CMBL: variants seen among roughly 807,000 people sequenced by gnomAD.
CMBL encodes carboxymethylenebutenolidase homolog (Pseudomonas).
Under a neutral mutation model 28.7 loss-of-function variants are expected in CMBL, and 17 were observed. That is an observed-to-expected ratio of 0.59 (90% confidence interval 0.41 to 0.89). CMBL has a LOEUF of 0.89. Ranked by LOEUF, CMBL falls within the 40% of genes least tolerant of loss-of-function variation. The pLI, the probability that CMBL is intolerant of heterozygous loss-of-function variation, is 0.00. For synonymous variants in CMBL, 106 were observed against 101.6 expected (o/e 1.04, Z -0.26); for missense variants, 310 against 298.5 (o/e 1.04, Z -0.28).
At chr5:10,287,366 A>C (rs1746623744) in intron 3 of CMBL, among the ~76,000 whole-genome samples, 1 of 152,120 alleles carries the variant, frequency 6.6e-6, no homozygotes, top group Non-Finnish European at 1.5e-5. Context: ...CATTTCTCTA[A>C]GGGAAGTAAC....
In CMBL at chr5:10,278,625, C is replaced by A. The variant is rs1162580299; in HGVS notation, c.*1828G>T. ...GCCCATGTGTCCTGAATGGCTCCCC[C>A]TTTTTGCTGGCCCTGTGAAGCGTGC... is the stretch of plus-strand genomic sequence containing the variant. On this transcript the variant is annotated 3_prime_UTR_variant, in exon 6 of 6. Transcript: ENST00000296658. Among the ~76,000 whole-genome samples, 2 of 152,108 alleles carry A rather than the reference C, an allele frequency of 1.3e-5. No individual in the cohort carries two copies. Among genetic ancestry groups the A allele is most frequent in the Non-Finnish European group, 2.9e-5 (2 of 68,018 alleles).
intron 1 of CMBL, among the ~76,000 whole-genome samples, chr5:10,297,567 C>T (rs775896719): frequency 8.5e-5 from 11 of 129,540 alleles, no homozygotes; most frequent in Non-Finnish European, 1.4e-4. Context: ...GAAACTCTAT[C>T]TCAAAAAAAA....
At chr5:10,285,245 A>G (rs149211875) in intron 4 of CMBL, among the ~76,000 whole-genome samples, 3,213 of 152,138 alleles carry the variant, frequency 0.021, 106 homozygotes, top group African/African-American at 0.071. Context: ...CTTGGTTCAC[A>G]GCAACCTCCA....
chr5:10,304,772 T>G (rs77019092), intron 1 of CMBL, among the ~76,000 whole-genome samples: 2 of 148,962 alleles, frequency 1.3e-5, no homozygotes, highest in Non-Finnish European at 3.0e-5. Context: ...AGACAACATG[T>G]TTTTTTTTTA....
At chr5:10,304,466 G>A (rs1746963181) in intron 1 of CMBL, among the ~76,000 whole-genome samples, 1 of 152,194 alleles carries the variant, frequency 6.6e-6, no homozygotes, top group African/African-American at 2.4e-5. Context: ...ACAGATCCCT[G>A]TACTATTCTT....
chr5:10,280,302 G>A lies in CMBL; in HGVS notation c.*151C>T, dbSNP rs578137648. 180 of 571,832 alleles carry A rather than the reference G, an allele frequency of 3.1e-4. 1 individual carries two copies. The highest frequency in any genetic ancestry group is 2.6e-3 in the South Asian group (85 of 32,140). 35.4% of individuals were successfully genotyped at this position (571,832 alleles called of 1,614,324 possible). ...AAAATTAAATTATTTCATGCATTAC[G>A]TCCTACTGAATTTGTGTTTCAAATG... On this transcript the variant is annotated 3_prime_UTR_variant, in exon 6 of 6. Coordinates refer to ENST00000296658, the MANE Select transcript of CMBL (RefSeq NM_138809.4).
At chr5:10,306,282 G>A (rs1746999014) in intron 1 of CMBL, among the ~76,000 whole-genome samples, 1 of 152,148 alleles carries the variant, frequency 6.6e-6, no homozygotes, top group African/African-American at 2.4e-5. Flanking sequence ...CAAGCAAAAG[G>A]GACTGGTGCA....
rs972124591 is a variant in CMBL at position 10,284,081 on chromosome 5, C to A, written c.467-1793G>T. 2.6e-5 allele frequency among the ~76,000 whole-genome samples: 4 copies of A among 152,248 alleles called. No individual in the cohort carries two copies. In the East Asian group the frequency reaches 7.7e-4, roughly 29 times the overall value. ...AGGTGACCACGCTCCCTTCCCCACT[C>A]TAGCAAAGCTACTTCATGTGGATGG... On this transcript the variant is annotated intron_variant, in intron 4 of 5. Transcript: ENST00000296658.
At chr5:10,287,239 G>A (rs752353970) in intron 3 of CMBL, among the ~76,000 whole-genome samples, 4 of 152,174 alleles carry the variant, frequency 2.6e-5, no homozygotes, top group East Asian at 1.9e-4. Flanking sequence ...CAACCGAAGC[G>A]CCCATTGACC....
intron 1 of CMBL, among the ~76,000 whole-genome samples, chr5:10,303,841 C>T (rs962975819): frequency 6.6e-6 from 1 of 152,180 alleles, no homozygotes; most frequent in Admixed American, 6.5e-5. Flanking sequence ...CACCCAGCCG[C>T]ATGACACTGC....
chr5:10,297,523 C>T (rs925670485), intron 1 of CMBL, among the ~76,000 whole-genome samples: 3 of 148,174 alleles, frequency 2.0e-5, no homozygotes, highest in Middle Eastern at 3.4e-3. Context: ...GAGCTGAGAT[C>T]GCACCATTTC....
Position 10,280,570 on chromosome 5 carries a change from A to G in CMBL, c.621T>C (p.Phe207=), listed in dbSNP as rs759654586. The G allele has an allele frequency of 5.0e-6, 8 of 1,613,756 alleles. No homozygotes were observed. The highest frequency in any genetic ancestry group is 6.8e-6 in the Non-Finnish European group (8 of 1,179,676). ...HCKVEYQIKT[F]SGQTHGFVHR... is the part of the protein sequence containing the mutation. The stretch of plus-strand genomic sequence containing the variant: ...GCACGAACCCATGAGTCTGCCCAGA[A>G]AATGTTTTAATTTGATATTCAACTT... Residue 207 remains phenylalanine (F), a synonymous_variant, in exon 6 of 6, where the codon TTT becomes TTC. Transcript: ENST00000296658.
At chr5:10,281,985 C>T (rs1000630570) in intron 5 of CMBL, among the ~76,000 whole-genome samples, 15 of 151,998 alleles carry the variant, frequency 9.9e-5, no homozygotes, top group Non-Finnish European at 1.9e-4. Flanking sequence ...CATGGTGAAA[C>T]CCCGTCTCTA....
intron 3 of CMBL, among the ~76,000 whole-genome samples, chr5:10,287,733 T>TG (rs1049102317): frequency 2.6e-5 from 4 of 151,424 alleles, no homozygotes; most frequent in Non-Finnish European, 5.9e-5. Flanking sequence ...TTTTTTGAGA[T>TG]GGAGTCTCGC....
intron 1 of CMBL, among the ~76,000 whole-genome samples, chr5:10,299,983 A>C (rs540557817): frequency 6.6e-6 from 1 of 152,204 alleles, no homozygotes; most frequent in Non-Finnish European, 1.5e-5. Flanking sequence ...ATAAACTGTA[A>C]TTTATTGATT....
At chr5:10,296,746 A>G (rs1289638992) in intron 1 of CMBL, among the ~76,000 whole-genome samples, 2 of 152,200 alleles carry the variant, frequency 1.3e-5, no homozygotes, top group African/African-American at 2.4e-5. Context: ...TCCTGGACCC[A>G]AGTGAAGAAT....
intron 3 of CMBL, 150 bp downstream of exon 3, chr5:10,288,272 T>G (rs973017587): frequency 1.6e-6 from 1 of 608,536 alleles, no homozygotes; most frequent in East Asian, 2.9e-5. Flanking sequence ...CAAAAAAAAA[T>G]TTTTTCTCCT....
chr5:10,287,718 C>CTT (rs1198637075), intron 3 of CMBL, among the ~76,000 whole-genome samples: 2 of 148,086 alleles, frequency 1.4e-5, no homozygotes, highest in African/African-American at 5.0e-5. Flanking sequence ...TAATTAATTT[C>CTT]TTTTTTTTTT....
intron 4 of CMBL, among the ~76,000 whole-genome samples, chr5:10,285,700 C>CTTTTTTTTT (rs34390937): frequency 7.5e-6 from 1 of 133,704 alleles, no homozygotes; most frequent in Non-Finnish European, 1.6e-5. Flanking sequence ...CTTTCTTTTT[C>CTTTTTTTTT]TTTTTTTTTT....
Sources: gnomAD v4.1 joint callset for allele counts (sites outside exome capture counted in the v4.1 genomes callset) on GRCh38, gnomAD v4.1.1 for gene constraint, MANE v1.5 for transcripts, NCBI Gene and HGNC (gene_info 2026-07-23, HGNC 2026-07-21) for gene names.